Variants in SHB observed in about 807,000 individuals in gnomAD.
The protein encoded by SHB is SH2 domain-containing adapter protein B.
SHB carries 20 observed loss-of-function variants against 52.3 expected under a neutral mutation model. The observed-to-expected ratio is 0.38, with a 90% CI of 0.27 to 0.56. SHB has a LOEUF of 0.56. SHB is among the 20% of genes least tolerant of loss of function. SHB has a pLI of 0.71. For synonymous variants in SHB, 397 were observed against 316.5 expected (o/e 1.25, Z -2.70); for missense variants, 825 against 723.3 (o/e 1.14, Z -1.61).
At position 38,068,023 on chromosome 9, in the gene SHB, C is replaced by T; in HGVS notation, c.623G>A (p.Arg208His). 2.6e-6 allele frequency: 4 copies of T among 1,509,610 alleles called. No homozygotes were observed. Among genetic ancestry groups the T allele is most frequent in the Admixed American group, 4.3e-5 (2 of 46,296 alleles). The allele number at this position is 1,509,610 out of a possible 1,614,324, so 93.5% of individuals were successfully genotyped here. A position where few individuals can be genotyped will look rare whatever the true frequency, so the allele number is the denominator to read the frequency against. ...DPLGGACAGG[R>H]TWSPTACGGK... is the part of the protein sequence containing the mutation. ...TCCGCAGGCCGTCGGGCTCCAGGTG[C>T]GGCCGCCCGCGCAGGCGCCCCCCAG... The change falls in exon 1 of 6, where the codon CGC (arginine) becomes CAC (histidine). Residue 208 changes from arginine (R) to histidine (H), a missense_variant. Transcript: ENST00000377707.
intron 3 of SHB, among the ~76,000 whole-genome samples, chr9:37,965,298 A>T (rs1832736824): frequency 6.6e-6 from 1 of 152,208 alleles, no homozygotes; most frequent in Admixed American, 6.5e-5. Context: ...CAGGCCCACA[A>T]TGTGGCATCT....
rs778297152 is a variant in SHB at position 37,950,814 on chromosome 9, C to T, written c.1227-2060G>A. On this transcript the variant is annotated intron_variant, in intron 4 of 5. Coordinates refer to ENST00000377707, the MANE Select transcript of SHB (RefSeq NM_003028.3). ...GGCGAGTCTTAACCGACGGCAGCTG[C>T]AGCGTTAGCAGAAAGAGATTGCCCT... 3.1e-4 allele frequency among the ~76,000 whole-genome samples: 47 copies of T among 152,362 alleles called. No homozygotes were observed. The Middle Eastern group carries it at 0.01, about 33-fold the overall frequency.
In SHB at chr9:37,980,772, G is replaced by A. The variant is rs188239095; in HGVS notation, c.839-5935C>T. On this transcript the variant is annotated intron_variant, in intron 2 of 5. Transcript: ENST00000377707. Reference sequence around the variant, plus strand: ...GAGATTACTCCTTGATCCATGGGCCGCGGAATGGATGTTGTGTTAGCAGGC... The same window carrying A: ...GAGATTACTCCTTGATCCATGGGCCACGGAATGGATGTTGTGTTAGCAGGC... Among the ~76,000 whole-genome samples the A allele has an allele frequency of 1.1e-4, 16 of 152,286 alleles. No homozygotes were observed. The East Asian group carries it at 2.7e-3, about 26-fold the overall frequency.
At chr9:37,952,429 C>T (rs529659759) in intron 4 of SHB, among the ~76,000 whole-genome samples, 1 of 152,300 alleles carries the variant, frequency 6.6e-6, no homozygotes, top group East Asian at 1.9e-4. Flanking sequence ...CAAGAATGAC[C>T]CAGGCACTGT....
chr9:38,002,241 C>T (rs1159995376), intron 2 of SHB, among the ~76,000 whole-genome samples: 1 of 152,222 alleles, frequency 6.6e-6, no homozygotes, highest in Non-Finnish European at 1.5e-5. Context: ...TAACCCCACA[C>T]ATATAACTGA....
rs145494168 is a variant in SHB, at chr9:37,930,121, G to A, written c.1347-10117C>T. 8.1e-3 allele frequency among the ~76,000 whole-genome samples: 1,229 copies of A among 152,130 alleles called. 4 individuals carry two copies. The highest frequency in any genetic ancestry group is 0.014 in the Non-Finnish European group (918 of 67,968). ...TGTCTCAAAAAACAAAACAGAAAAC[G>A]AACTAAACAGGAAACTGGTCATAGA... On this transcript the variant is annotated intron_variant, in intron 5 of 5. Transcript: ENST00000377707.
At chr9:38,013,972 G>A (rs569889524) in intron 2 of SHB, among the ~76,000 whole-genome samples, 8 of 152,288 alleles carry the variant, frequency 5.3e-5, no homozygotes, top group African/African-American at 1.9e-4. Context: ...ATATGTCAAA[G>A]TGCCCAGCAT....
intron 1 of SHB, among the ~76,000 whole-genome samples, chr9:38,054,771 G>A (rs13299248): frequency 0.012 from 1,818 of 152,286 alleles, 20 homozygotes; most frequent in Middle Eastern, 0.031. Flanking sequence ...CAAAGAAAAA[G>A]AGTTCAACCA....
intron 1 of SHB, among the ~76,000 whole-genome samples, chr9:38,023,122 C>T (rs1821301279): frequency 6.6e-6 from 1 of 152,180 alleles, no homozygotes; most frequent in South Asian, 2.1e-4. Flanking sequence ...CAAGGCTGAC[C>T]GGTGGCAGCT....
chr9:37,986,961 T>C (rs1459768968), intron 2 of SHB, among the ~76,000 whole-genome samples: 1 of 152,240 alleles, frequency 6.6e-6, no homozygotes, highest in African/African-American at 2.4e-5. Flanking sequence ...GTGCGGTCTC[T>C]GCCTCCAGAG....
At chr9:37,975,046 A>G (rs987658631) in intron 2 of SHB, among the ~76,000 whole-genome samples, 6 of 152,112 alleles carry the variant, frequency 3.9e-5, no homozygotes, top group Admixed American at 2.0e-4. Context: ...CAAGGCTCAC[A>G]TGCTCGCAGG....
intron 2 of SHB, among the ~76,000 whole-genome samples, chr9:37,985,893 G>A (rs932109358): frequency 1.3e-5 from 2 of 152,248 alleles, no homozygotes; most frequent in Non-Finnish European, 2.9e-5. Context: ...TGTGTCCTGG[G>A]CACTGGGAGT....
intron 2 of SHB, among the ~76,000 whole-genome samples, chr9:38,012,005 C>T (rs761999971): frequency 2.6e-5 from 4 of 152,078 alleles, no homozygotes; most frequent in Admixed American, 6.5e-5. Context: ...TACCTCCTGC[C>T]GGTGACACAA....
At chr9:38,023,010 T>C (rs982687515) in intron 1 of SHB, among the ~76,000 whole-genome samples, 2 of 152,166 alleles carry the variant, frequency 1.3e-5, no homozygotes, top group East Asian at 1.9e-4. Context: ...AACTTGGACG[T>C]AGAGGTCTGA....
intron 1 of SHB, among the ~76,000 whole-genome samples, chr9:38,060,354 T>A (rs1355722946): frequency 6.6e-6 from 1 of 152,132 alleles, no homozygotes; most frequent in Non-Finnish European, 1.5e-5. Flanking sequence ...TTTGTATTTT[T>A]AATAGAGACA....
chr9:37,993,692 G>A (rs1478759110), intron 2 of SHB, among the ~76,000 whole-genome samples: 1 of 151,586 alleles, frequency 6.6e-6, no homozygotes, highest in Non-Finnish European at 1.5e-5. Context: ...AAAATATAAA[G>A]TTCCCACCTA....
chr9:37,982,062 T>C (rs984290519), intron 2 of SHB, among the ~76,000 whole-genome samples: 94 of 151,756 alleles, frequency 6.2e-4, no homozygotes, highest in African/African-American at 2.2e-3. Context: ...ATAGACTTAC[T>C]TGAAGGAAGG....
At chr9:37,969,362 T>C (rs1232607618) in intron 3 of SHB, among the ~76,000 whole-genome samples, 1 of 152,084 alleles carries the variant, frequency 6.6e-6, no homozygotes, top group African/African-American at 2.4e-5. Flanking sequence ...TCCTTATCTG[T>C]AAAAGGAGGA....
intron 2 of SHB, among the ~76,000 whole-genome samples, chr9:38,009,224 C>G (rs1405096827): frequency 6.6e-6 from 1 of 152,202 alleles, no homozygotes; most frequent in Non-Finnish European, 1.5e-5. Flanking sequence ...AGAATGGTGT[C>G]CTGTCTGTCC....
Sources: gnomAD v4.1 joint callset for allele counts (sites outside exome capture counted in the v4.1 genomes callset) on GRCh38, gnomAD v4.1.1 for gene constraint, MANE v1.5 for transcripts, NCBI Gene and HGNC (gene_info 2026-07-23, HGNC 2026-07-21) for gene names.